The following CCSER1 variants were observed in gnomAD, a reference collection of about 807,000 sequenced individuals.
The protein encoded by CCSER1 is serine-rich coiled-coil domain-containing protein 1.
In CCSER1, 41 loss-of-function variants were observed where a neutral mutation model predicts 82.0. The ratio of observed to expected loss-of-function variants is 0.50; its 90% CI spans 0.39 to 0.65. The LOEUF is 0.65. Ranked by LOEUF, CCSER1 falls within the 30% of genes least tolerant of loss-of-function variation. The probability of loss-of-function intolerance (pLI) is 0.00; values close to 1 mark genes in which losing one functional copy is unlikely to be tolerated. For synonymous variants in CCSER1, 414 were observed against 383.9 expected (o/e 1.08, Z -0.92); for missense variants, 1,119 against 1,064.2 (o/e 1.05, Z -0.72).
chr4:91,292,774 A>C (rs1191813761), intron 10 of CCSER1, among the ~76,000 whole-genome samples: 1 of 151,996 alleles, frequency 6.6e-6, no homozygotes, highest in Non-Finnish European at 1.5e-5. Flanking sequence ...AATAAATTTT[A>C]AAAAAGTCAG....
rs1741852497 is a variant in CCSER1 at position 90,717,611 on chromosome 4, T to C, written c.1933-6303T>C. Among the ~76,000 whole-genome samples the C allele has an allele frequency of 2.6e-5, 4 of 152,032 alleles. No individual in the cohort carries two copies. In the South Asian group the frequency reaches 8.3e-4, roughly 32 times the overall value. ...GAGAGGAGTGCCTGTAATTCAGAAG[T>C]CAGCACCCTGGATTGGAGGAGTCCA... is the stretch of plus-strand genomic sequence containing the variant. On this transcript the variant is annotated intron_variant, in intron 6 of 10. Transcript: ENST00000509176.
Position 90,748,158 on chromosome 4 carries a change from G to A in CCSER1, c.2010+24167G>A, listed in dbSNP as rs1036235046. ...CCACTAACTCGTCATCTAGCATTAGGTATATCTCCCGATGCTATCCCTCCC... is the reference window on the plus strand; with the variant it reads ...CCACTAACTCGTCATCTAGCATTAGATATATCTCCCGATGCTATCCCTCCC... On this transcript the variant is annotated intron_variant, in intron 7 of 10. Transcript: ENST00000509176. Among the ~76,000 whole-genome samples, 6 of 142,514 alleles carry A rather than the reference G, an allele frequency of 4.2e-5. 1 individual carries two copies. Among genetic ancestry groups the A allele is most frequent in the Admixed American group, 2.1e-4 (3 of 14,292 alleles). The allele number at this position is 142,514 out of a possible 152,430, so 93.5% of individuals were successfully genotyped here. A position where few individuals can be genotyped will look rare whatever the true frequency, so the allele number is the denominator to read the frequency against.
chr4:90,930,172 T>C (rs1259663503), intron 9 of CCSER1, among the ~76,000 whole-genome samples: 1 of 152,198 alleles, frequency 6.6e-6, no homozygotes, highest in Non-Finnish European at 1.5e-5. Flanking sequence ...AATTTCTCTC[T>C]GTCCACTTCT....
Position 91,312,480 on chromosome 4 carries a change from A to G in CCSER1, c.2217+226486A>G, listed in dbSNP as rs145477266. Among the ~76,000 whole-genome samples the G allele has an allele frequency of 4.4e-3, 672 of 152,030 alleles. 4 individuals are homozygous for G. Among genetic ancestry groups the G allele is most frequent in the African/African-American group, 0.016 (647 of 41,538 alleles). Reference sequence around the variant, plus strand: ...AGGGATATACTGGTGAACGAAAGTTAGCATCATCCCTGCTTTCATGAAACA... The same window carrying G: ...AGGGATATACTGGTGAACGAAAGTTGGCATCATCCCTGCTTTCATGAAACA... On this transcript the variant is annotated intron_variant, in intron 10 of 10. Transcript: ENST00000509176.
At chr4:90,468,501 T>C (rs930061132) in intron 5 of CCSER1, 147 bp downstream of exon 5, 4 of 629,766 alleles carry the variant, frequency 6.4e-6, no homozygotes, top group Admixed American at 7.0e-5. Context: ...TTCTATATTA[T>C]CTTAATGAAT....
At chr4:90,757,354 A>T (rs958094296) in intron 7 of CCSER1, among the ~76,000 whole-genome samples, 4 of 152,200 alleles carry the variant, frequency 2.6e-5, no homozygotes, top group Non-Finnish European at 5.9e-5. Context: ...AAGCAGATGG[A>T]ACTCCCGTAT....
chr4:90,885,631 G>A (rs9994175), intron 8 of CCSER1, among the ~76,000 whole-genome samples: 54,016 of 151,958 alleles, frequency 0.36, 10,437 homozygotes, highest in African/African-American at 0.51. Context: ...GTGCTGGAAC[G>A]ATGATGGAGT....
intron 3 of CCSER1, among the ~76,000 whole-genome samples, chr4:90,353,857 T>C (rs1195189429): frequency 6.6e-6 from 1 of 152,154 alleles, no homozygotes; most frequent in African/African-American, 2.4e-5. Context: ...CTGGAAGCCA[T>C]TATGGAAAGA....
chr4:90,914,820 T>C lies in CCSER1; in HGVS notation c.2095-8550T>C, dbSNP rs1312185416. On this transcript the variant is annotated intron_variant, in intron 8 of 10. Transcript: ENST00000509176. ...AGATTCAAATAGATGCAATAAAAAA[T>C]GACAAAGGGGATATCACCCCCAATC... is the stretch of plus-strand genomic sequence containing the variant. 3.3e-5 allele frequency among the ~76,000 whole-genome samples: 5 copies of C among 149,268 alleles called. No homozygotes were observed. In the East Asian group the frequency reaches 9.8e-4, roughly 29 times the overall value.
chr4:90,248,027 T>C (rs926238052), intron 1 of CCSER1, among the ~76,000 whole-genome samples: 14 of 152,282 alleles, frequency 9.2e-5, no homozygotes, highest in Admixed American at 4.6e-4. Context: ...TCTACATTCA[T>C]TAAATAAAAT....
intron 10 of CCSER1, among the ~76,000 whole-genome samples, chr4:91,462,437 C>A (rs984524741): frequency 6.6e-6 from 1 of 152,084 alleles, no homozygotes; most frequent in Non-Finnish European, 1.5e-5. Context: ...GTCAGCCACG[C>A]AGAAGATGGG....
chr4:91,433,091 T>C (rs1262305008), intron 10 of CCSER1, among the ~76,000 whole-genome samples: 1 of 152,204 alleles, frequency 6.6e-6, no homozygotes, highest in East Asian at 1.9e-4. Context: ...TAATTTACTC[T>C]TTATTATATT....
intron 4 of CCSER1, among the ~76,000 whole-genome samples, chr4:90,461,816 T>C (rs1042668989): frequency 3.9e-5 from 6 of 152,204 alleles, no homozygotes; most frequent in Admixed American, 2.0e-4. Context: ...CCAGTTACTT[T>C]ACTTGGCTGG....
chr4:91,171,858 C>T (rs1369695738), intron 10 of CCSER1, among the ~76,000 whole-genome samples: 1 of 151,990 alleles, frequency 6.6e-6, no homozygotes, highest in Non-Finnish European at 1.5e-5. Context: ...TTGAATAGGA[C>T]AGGTTTCATG....
intron 10 of CCSER1, among the ~76,000 whole-genome samples, chr4:91,175,583 G>C (rs1166752312): frequency 6.6e-6 from 1 of 152,158 alleles, no homozygotes; most frequent in African/African-American, 2.4e-5. Flanking sequence ...GTGATGATGA[G>C]CATTTTTTCA....
intron 10 of CCSER1, among the ~76,000 whole-genome samples, chr4:91,411,503 T>TATATATATATATATAC (rs1553934194): frequency 7.9e-5 from 5 of 63,238 alleles, no homozygotes; most frequent in Non-Finnish European, 1.4e-4. Context: ...TATATATATA[T>TATATATATATATATAC]ATATATATAT....
intron 8 of CCSER1, among the ~76,000 whole-genome samples, chr4:90,866,803 A>G (rs1332437422): frequency 6.6e-6 from 1 of 152,002 alleles, no homozygotes; most frequent in Non-Finnish European, 1.5e-5. Context: ...GGTGGGGATG[A>G]AACTGTGCCA....
At chr4:90,257,120 A>T (rs1360648896) in intron 1 of CCSER1, among the ~76,000 whole-genome samples, 2 of 152,062 alleles carry the variant, frequency 1.3e-5, no homozygotes, top group Non-Finnish European at 2.9e-5. Flanking sequence ...TTAACAGCAG[A>T]TATAAAAATT....
intron 8 of CCSER1, among the ~76,000 whole-genome samples, chr4:90,887,880 C>CA (rs929237544): frequency 5.3e-5 from 8 of 151,636 alleles, no homozygotes; most frequent in East Asian, 1.9e-4. Flanking sequence ...GACTCCATCT[C>CA]AAAAAAACAA....
Sources: allele counts gnomAD v4.1 joint callset (sites outside exome capture counted in the v4.1 genomes callset), GRCh38; gene constraint gnomAD v4.1.1; transcripts MANE v1.5; gene names NCBI Gene and HGNC (gene_info 2026-07-23, HGNC 2026-07-21).